ZPLD1: variants seen among roughly 807,000 people sequenced by gnomAD.
ZPLD1 encodes the protein zona pellucida like domain containing 1, also known as zona pellucida-like domain-containing protein 1.
A neutral mutation model predicts 47.2 loss-of-function variants in ZPLD1; 34 were observed. That is an observed-to-expected ratio of 0.72 (90% confidence interval 0.55 to 0.96). The LOEUF is 0.96. Ranked by LOEUF, ZPLD1 falls within the 40% of genes least tolerant of loss-of-function variation. The pLI is 0.00. For synonymous variants in ZPLD1, 176 were observed against 186.2 expected (o/e 0.95, Z 0.45); for missense variants, 512 against 505.8 (o/e 1.01, Z -0.12).
intron 8 of ZPLD1, among the ~76,000 whole-genome samples, chr3:102,428,541 A>T (rs1285351537): frequency 6.6e-6 from 1 of 152,002 alleles, no homozygotes; most frequent in African/African-American, 2.4e-5. Context: ...TTCATCTTAT[A>T]TGCAAAAGCA....
intron 8 of ZPLD1, among the ~76,000 whole-genome samples, chr3:102,427,296 G>A (rs1706960141): frequency 6.6e-6 from 1 of 152,056 alleles, no homozygotes; most frequent in Non-Finnish European, 1.5e-5. Context: ...TGTCTGGAAG[G>A]AAGGACAAAA....
chr3:102,427,822 G>T (rs992560286), intron 8 of ZPLD1, among the ~76,000 whole-genome samples: 1 of 152,132 alleles, frequency 6.6e-6, no homozygotes, highest in African/African-American at 2.4e-5. Context: ...AAATATCTCC[G>T]TGAGGCTCCA....
intron 6 of ZPLD1, among the ~76,000 whole-genome samples, chr3:102,458,078 G>A (rs553006822): frequency 1.1e-4 from 16 of 152,080 alleles, no homozygotes; most frequent in Admixed American, 3.9e-4. Flanking sequence ...ATTTTATATC[G>A]TAAGTGTGAT....
At chr3:102,447,365 C>T (rs1446625753) in intron 3 of ZPLD1, among the ~76,000 whole-genome samples, 1 of 152,076 alleles carries the variant, frequency 6.6e-6, no homozygotes, top group Non-Finnish European at 1.5e-5. Context: ...CACCTGGCCT[C>T]CCCATCCTTT....
At chr3:102,433,219 A>C (rs1256246675), upstream of ZPLD1, among the ~76,000 whole-genome samples, 1 of 152,218 alleles carries the variant, frequency 6.6e-6, no homozygotes, top group African/African-American at 2.4e-5. Flanking sequence ...GAAATTGCCA[A>C]ATTTCCATTT....
At chr3:102,424,729 A>T (rs577496156) in intron 8 of ZPLD1, among the ~76,000 whole-genome samples, 4 of 152,278 alleles carry the variant, frequency 2.6e-5, no homozygotes, top group African/African-American at 7.2e-5. Context: ...CATACAAAAC[A>T]CATATACATT....
At chr3:102,394,357 A>G (rs1035802381) in intron 7 of ZPLD1, among the ~76,000 whole-genome samples, 15 of 152,182 alleles carry the variant, frequency 9.9e-5, no homozygotes, top group African/African-American at 3.6e-4. Context: ...CACAGATAAA[A>G]TATTTTTGAT....
At chr3:102,455,262 G>A (rs1258866435) in intron 4 of ZPLD1, among the ~76,000 whole-genome samples, 1 of 152,134 alleles carries the variant, frequency 6.6e-6, no homozygotes, top group East Asian at 1.9e-4. Context: ...TATTTGACAA[G>A]GTCGAAGAAG....
intron 3 of ZPLD1, among the ~76,000 whole-genome samples, chr3:102,444,084 A>G (rs1394944738): frequency 6.6e-6 from 1 of 152,248 alleles, no homozygotes; most frequent in Admixed American, 6.5e-5. Context: ...TTCAGGGTCC[A>G]TATTCTCCCA....
upstream of ZPLD1, among the ~76,000 whole-genome samples, chr3:102,432,780 G>T (rs775662148): frequency 6.6e-6 from 1 of 150,498 alleles, no homozygotes; most frequent in Non-Finnish European, 1.5e-5. Context: ...TTTTATTTGA[G>T]AAGTAGCTAA....
chr3:102,407,574 ATGAT>A (rs1409192175), intron 7 of ZPLD1, among the ~76,000 whole-genome samples: 1 of 150,606 alleles, frequency 6.6e-6, no homozygotes, highest in Non-Finnish European at 1.5e-5. Flanking sequence ...TTTCATTTCA[ATGAT>A]TGATTAATTT....
chr3:102,467,973 C>G (rs183668282), intron 8 of ZPLD1, among the ~76,000 whole-genome samples: 1 of 151,740 alleles, frequency 6.6e-6, no homozygotes, highest in Admixed American at 6.6e-5. Flanking sequence ...TCATAAGAAT[C>G]AGAAAGAAAA....
chr3:102,449,455 A>G (rs182878237), intron 3 of ZPLD1, among the ~76,000 whole-genome samples: 2 of 149,434 alleles, frequency 1.3e-5, no homozygotes. Flanking sequence ...CTAAGTGGAA[A>G]ATTCCATATA....
chr3:102,441,443 C>T (rs1248123738), intron 3 of ZPLD1, among the ~76,000 whole-genome samples: 1 of 152,014 alleles, frequency 6.6e-6, no homozygotes, highest in Non-Finnish European at 1.5e-5. Flanking sequence ...GTATCTTAAA[C>T]CCTGCAGATG....
At chr3:102,473,856 G>A (rs1363277336) in intron 10 of ZPLD1, among the ~76,000 whole-genome samples, 1 of 151,900 alleles carries the variant, frequency 6.6e-6, no homozygotes, top group Non-Finnish European at 1.5e-5. Context: ...TTTACCTTAG[G>A]TCAGCTAGAA....
In ZPLD1 at chr3:102,442,435, C is replaced by A. The variant is rs1303760093; in HGVS notation, c.106+3842C>A. Among the ~76,000 whole-genome samples the A allele has an allele frequency of 2.0e-5, 3 of 150,700 alleles. No individual in the cohort carries two copies. In the East Asian group the frequency reaches 5.9e-4, roughly 30 times the overall value. On this transcript the variant is annotated intron_variant, in intron 3 of 11. Transcript: ENST00000466937. ...TTAATAACACAAATATTAATAAAATCCAAATAACGCTGAAGTCCCGGGAGA... is the reference window on the plus strand; with the variant it reads ...TTAATAACACAAATATTAATAAAATACAAATAACGCTGAAGTCCCGGGAGA...
chr3:102,385,870 CAG>C (rs1173585413), intron 6 of ZPLD1, among the ~76,000 whole-genome samples: 2 of 152,184 alleles, frequency 1.3e-5, no homozygotes, highest in African/African-American at 4.8e-5. Context: ...ACACTTAAAA[CAG>C]GGCAATAGCT....
chr3:102,447,214 C>A (rs114397703), intron 3 of ZPLD1, among the ~76,000 whole-genome samples: 1 of 152,024 alleles, frequency 6.6e-6, no homozygotes, highest in Non-Finnish European at 1.5e-5. Context: ...TACAGACATG[C>A]GTGACCACAC....
chr3:102,470,992 T>G (rs1707676087), intron 10 of ZPLD1, among the ~76,000 whole-genome samples: 1 of 152,152 alleles, frequency 6.6e-6, no homozygotes, highest in Non-Finnish European at 1.5e-5. Context: ...TTGCTCAGGC[T>G]GGTCTCGAAC....
Sources: gnomAD v4.1 joint callset for allele counts (sites outside exome capture counted in the v4.1 genomes callset) on GRCh38, gnomAD v4.1.1 for gene constraint, MANE v1.5 for transcripts, NCBI Gene and HGNC (gene_info 2026-07-23, HGNC 2026-07-21) for gene names.